PPFIBP2: variants seen among roughly 807,000 people sequenced by gnomAD.
PPFIBP2 encodes PPFIB scaffold protein 2, also known as liprin-beta-2.
In PPFIBP2, 118 loss-of-function variants were observed where a neutral mutation model predicts 118.3. The ratio of observed to expected loss-of-function variants is 1.00; its 90% confidence interval spans 0.86 to 1.16. The LOEUF is 1.16. Ranked by LOEUF, PPFIBP2 falls within the 50% of genes most tolerant of loss-of-function variation. PPFIBP2 has a pLI of 0.00. For synonymous variants in PPFIBP2, 414 were observed against 397.4 expected (o/e 1.04, Z -0.50); for missense variants, 1,195 against 1,073.1 (o/e 1.11, Z -1.59).
At chr11:7,642,109 C>T (rs377393720) in intron 16 of PPFIBP2, 189 bp from the exon 17 acceptor site, 15 of 617,856 alleles carry the variant, frequency 2.4e-5, no homozygotes, top group African/African-American at 3.7e-5. Context: ...AGGCAGGATC[C>T]GAATTGAGGC....
chr11:7,612,092 C>T (rs1335893082), intron 6 of PPFIBP2, among the ~76,000 whole-genome samples: 1 of 152,208 alleles, frequency 6.6e-6, no homozygotes, highest in Non-Finnish European at 1.5e-5. Context: ...ACCTATGTCA[C>T]ATAACTTGAA....
chr11:7,652,732 A>G (rs1245076646), intron 23 of PPFIBP2, among the ~76,000 whole-genome samples: 1 of 152,062 alleles, frequency 6.6e-6, no homozygotes, highest in East Asian at 1.9e-4. Flanking sequence ...TTCTAAAGGA[A>G]CTCCCAGTTC....
intron 17 of PPFIBP2, among the ~76,000 whole-genome samples, chr11:7,644,781 A>T (rs12294420): frequency 6.6e-6 from 1 of 151,592 alleles, no homozygotes; most frequent in African/African-American, 2.4e-5. Flanking sequence ...TAATCCCAGC[A>T]CTTTGGGAGG....
chr11:7,558,596 A>G (rs901416017), intron 2 of PPFIBP2, among the ~76,000 whole-genome samples: 1 of 152,134 alleles, frequency 6.6e-6, no homozygotes, highest in Non-Finnish European at 1.5e-5. Flanking sequence ...TCTACTAAAA[A>G]AATACAAAAA....
chr11:7,643,389 G>A (rs1027345544), intron 17 of PPFIBP2, among the ~76,000 whole-genome samples: 1 of 152,228 alleles, frequency 6.6e-6, no homozygotes, highest in Non-Finnish European at 1.5e-5. Flanking sequence ...TGTCCCTAGA[G>A]TAGGAGAGCA....
At chr11:7,581,443 G>T (rs1301394695) in intron 3 of PPFIBP2, among the ~76,000 whole-genome samples, 1 of 152,104 alleles carries the variant, frequency 6.6e-6, no homozygotes, top group Non-Finnish European at 1.5e-5. Context: ...ATCACTACAG[G>T]TCCCCCATGC....
At chr11:7,566,579 G>T (rs1855013574) in intron 3 of PPFIBP2, among the ~76,000 whole-genome samples, 1 of 152,122 alleles carries the variant, frequency 6.6e-6, no homozygotes, top group Non-Finnish European at 1.5e-5. Context: ...TGTTGTCCAG[G>T]TTGGTCTTGA....
At chr11:7,575,751 C>A (rs1275801097) in intron 3 of PPFIBP2, among the ~76,000 whole-genome samples, 1 of 152,226 alleles carries the variant, frequency 6.6e-6, no homozygotes, top group African/African-American at 2.4e-5. Flanking sequence ...AAAAACCAAC[C>A]TACTGACCCC....
At chr11:7,613,635 A>C (rs1848318333) in intron 6 of PPFIBP2, among the ~76,000 whole-genome samples, 1 of 152,222 alleles carries the variant, frequency 6.6e-6, no homozygotes, top group South Asian at 2.1e-4. Flanking sequence ...GAAGCATGAA[A>C]GAAAGAGATC....
chr11:7,581,821 A>G (rs780756718), intron 3 of PPFIBP2, among the ~76,000 whole-genome samples: 1 of 151,480 alleles, frequency 6.6e-6, no homozygotes, highest in African/African-American at 2.4e-5. Context: ...AAACAATTCT[A>G]TAGATAGATA....
chr11:7,645,721 G>A (rs934149810), intron 17 of PPFIBP2, among the ~76,000 whole-genome samples: 2 of 152,176 alleles, frequency 1.3e-5, no homozygotes, highest in African/African-American at 2.4e-5. Context: ...ATGATGCCCA[G>A]AGCTCTAGGT....
intron 17 of PPFIBP2, among the ~76,000 whole-genome samples, chr11:7,647,251 T>C (rs7945711): frequency 0.067 from 10,209 of 152,234 alleles, 971 homozygotes; most frequent in African/African-American, 0.21. Flanking sequence ...ATTCTATAAA[T>C]CCTCATTTAT....
the PPFIBP2 span, chr11:7,667,166 A>AAAG: frequency 6.6e-6 from 1 of 152,280 alleles, no homozygotes; most frequent in African/African-American, 2.4e-5. Context: ...AAATAATCTA[A>AAAG]AAGTAATCAA....
intron 1 of PPFIBP2, among the ~76,000 whole-genome samples, chr11:7,535,212 C>T (rs2134378981): frequency 6.6e-6 from 1 of 152,324 alleles, no homozygotes; most frequent in African/African-American, 2.4e-5. Flanking sequence ...CATGTCTCAG[C>T]CAAGATTCAT....
chr11:7,552,592 C>A (rs956415957), intron 2 of PPFIBP2, among the ~76,000 whole-genome samples: 1 of 152,128 alleles, frequency 6.6e-6, no homozygotes, highest in Non-Finnish European at 1.5e-5. Context: ...TAAATTAAGT[C>A]ATATCACTCC....
At chr11:7,648,727 C>T in intron 18 of PPFIBP2, 73 bp from the exon 19 acceptor site, 1 of 1,491,354 alleles carries the variant, frequency 6.7e-7, no homozygotes, top group Non-Finnish European at 9.3e-7. Context: ...GCATCTCCAC[C>T]CAGACACAGC....
intron 5 of PPFIBP2, among the ~76,000 whole-genome samples, chr11:7,600,185 C>G (rs1218753596): frequency 6.6e-6 from 1 of 152,168 alleles, no homozygotes; most frequent in Non-Finnish European, 1.5e-5. Context: ...GTGTGCAGTG[C>G]TCCTTTCTTA....
chr11:7,564,374 A>ACTCT (rs1228228724), intron 2 of PPFIBP2, among the ~76,000 whole-genome samples: 1 of 151,970 alleles, frequency 6.6e-6, no homozygotes, highest in Admixed American at 6.6e-5. Context: ...TGTAATATGG[A>ACTCT]CTCTCTCTCA....
At chr11:7,609,351 T>C (rs1380768118) in intron 5 of PPFIBP2, among the ~76,000 whole-genome samples, 1 of 152,236 alleles carries the variant, frequency 6.6e-6, no homozygotes, top group African/African-American at 2.4e-5. Context: ...CTGTGTCTAT[T>C]CTCCTTGCCA....
Sources: gnomAD v4.1 joint callset for allele counts (sites outside exome capture counted in the v4.1 genomes callset) on GRCh38, gnomAD v4.1.1 for gene constraint, MANE v1.5 for transcripts, NCBI Gene and HGNC (gene_info 2026-07-23, HGNC 2026-07-21) for gene names.